Variants in VEPH1 observed in about 807,000 individuals in gnomAD.
The protein encoded by VEPH1 is ventricular zone expressed PH domain containing 1.
In VEPH1, 80 loss-of-function variants were observed where a neutral mutation model predicts 85.2. The ratio of observed to expected loss-of-function variants is 0.94; its 90% confidence interval spans 0.78 to 1.13. The LOEUF is 1.13. Among genes scored for constraint, VEPH1 ranks in the 50% most tolerant of loss-of-function variants. The probability of loss-of-function intolerance (pLI) is 0.00; values close to 1 mark genes in which losing one functional copy is unlikely to be tolerated. For missense variants in VEPH1, 955 were observed against 980.5 expected, an observed-to-expected ratio of 0.97 and a Z score of 0.35; for synonymous variants, 297 against 348.0, an observed-to-expected ratio of 0.85 and a Z score of 1.63.
chr3:157,500,941 T>C (rs1295250411), intron 1 of VEPH1, among the ~76,000 whole-genome samples: 2 of 152,146 alleles, frequency 1.3e-5, no homozygotes, highest in South Asian at 2.1e-4. Flanking sequence ...ATATGGGTTG[T>C]TGGGAGGTTT....
chr3:157,498,288 A>G (rs1463752220), intron 1 of VEPH1, among the ~76,000 whole-genome samples: 1 of 152,066 alleles, frequency 6.6e-6, no homozygotes, highest in Non-Finnish European at 1.5e-5. Flanking sequence ...TGGTTTTCTT[A>G]TTTGCAAAAT....
At chr3:157,441,367 T>C (rs1035396679) in intron 4 of VEPH1, among the ~76,000 whole-genome samples, 2 of 152,224 alleles carry the variant, frequency 1.3e-5, no homozygotes, top group Non-Finnish European at 2.9e-5. Flanking sequence ...AGGATTAAAA[T>C]GACAAACAAA....
At chr3:157,404,817 T>C (rs1478369650) in intron 6 of VEPH1, among the ~76,000 whole-genome samples, 1 of 152,126 alleles carries the variant, frequency 6.6e-6, no homozygotes, top group East Asian at 1.9e-4. Flanking sequence ...GTGATTTCAG[T>C]CTGAGGGCTA....
chr3:157,263,002 TAGAAAGTCAA>T (rs1380804584), intron 13 of VEPH1, among the ~76,000 whole-genome samples: 1 of 152,206 alleles, frequency 6.6e-6, no homozygotes, highest in East Asian at 1.9e-4. Flanking sequence ...CAGGAATAGA[TAGAAAGTCAA>T]AGGACACTAT....
intron 10 of VEPH1, among the ~76,000 whole-genome samples, chr3:157,315,005 A>C (rs1720578726): frequency 6.6e-6 from 1 of 152,120 alleles, no homozygotes; most frequent in Non-Finnish European, 1.5e-5. Flanking sequence ...AAATGTATAG[A>C]ACATCTATAA....
intron 12 of VEPH1, among the ~76,000 whole-genome samples, chr3:157,282,780 G>T (rs1195860681): frequency 1.3e-5 from 2 of 152,204 alleles, no homozygotes; most frequent in Non-Finnish European, 2.9e-5. Flanking sequence ...AAGGGCAACT[G>T]ATAAAGAAGA....
At chr3:157,325,246 G>T (rs756619041) in intron 9 of VEPH1, among the ~76,000 whole-genome samples, 13 of 151,158 alleles carry the variant, frequency 8.6e-5, no homozygotes, top group Non-Finnish European at 1.6e-4. Flanking sequence ...TTAGGTCTTT[G>T]TCAGATGGAT....
In VEPH1 at chr3:157,381,315, A is replaced by G; in HGVS notation, c.968T>C (p.Phe323Ser). 1 of 1,614,186 alleles carries G rather than the reference A, an allele frequency of 6.2e-7. No individual in the cohort carries two copies. The highest frequency in any genetic ancestry group is 8.5e-7 in the Non-Finnish European group (1 of 1,180,030). Residue 323 changes from phenylalanine (F) to serine (S), a missense_variant, in exon 7 of 14, where the codon TTT becomes TCT. Transcript: ENST00000362010. ...AATCTCCAGCAGGAGAATATGGTGA[A>G]ACGAATGCTCCATGTTGGCCAGTTG... Reference protein sequence around the residue: ...VSQLANMEHSFHHILLLEIKS... With the variant: ...VSQLANMEHSSHHILLLEIKS...
At chr3:157,492,605 C>G (rs1384281276) in intron 2 of VEPH1, among the ~76,000 whole-genome samples, 1 of 152,086 alleles carries the variant, frequency 6.6e-6, no homozygotes, top group Non-Finnish European at 1.5e-5. Context: ...CTTGTAGAAA[C>G]AGAGGGTAGA....
chr3:157,486,372 T>A (rs147382544), intron 2 of VEPH1, among the ~76,000 whole-genome samples: 1 of 151,610 alleles, frequency 6.6e-6, no homozygotes, highest in East Asian at 2.0e-4. Context: ...GGTGGGCACC[T>A]GTAATCCCAG....
At chr3:157,399,889 T>C (rs1445293398) in intron 6 of VEPH1, among the ~76,000 whole-genome samples, 1 of 152,140 alleles carries the variant, frequency 6.6e-6, no homozygotes, top group Non-Finnish European at 1.5e-5. Context: ...TCTCCAACTT[T>C]GAGCCGATTT....
intron 12 of VEPH1, among the ~76,000 whole-genome samples, chr3:157,267,102 CTTT>C (rs10537483): frequency 0.058 from 7,210 of 124,762 alleles, 360 homozygotes; most frequent in African/African-American, 0.18. Context: ...TCTTTTTTTT[CTTT>C]TTTTTTTTTT....
intron 3 of VEPH1, among the ~76,000 whole-genome samples, chr3:157,466,856 C>G (rs1347126287): frequency 6.6e-6 from 1 of 152,102 alleles, no homozygotes; most frequent in Non-Finnish European, 1.5e-5. Flanking sequence ...ACATATGGCC[C>G]AAGGCCAAAA....
At chr3:157,393,700 G>A (rs1730099373) in intron 6 of VEPH1, among the ~76,000 whole-genome samples, 2 of 152,116 alleles carry the variant, frequency 1.3e-5, no homozygotes, top group Admixed American at 6.5e-5. Context: ...AACATTGGCA[G>A]CATCTGTGAG....
intron 4 of VEPH1, among the ~76,000 whole-genome samples, chr3:157,452,473 A>G (rs1735053176): frequency 6.6e-6 from 1 of 152,226 alleles, no homozygotes; most frequent in Admixed American, 6.5e-5. Context: ...AACAAAAGGA[A>G]GAAATGTCTA....
chr3:157,403,551 T>C (rs1038833084), intron 6 of VEPH1, among the ~76,000 whole-genome samples: 1 of 152,132 alleles, frequency 6.6e-6, no homozygotes, highest in Non-Finnish European at 1.5e-5. Flanking sequence ...TCTAAGTGAA[T>C]AAAAAAGCCC....
At chr3:157,341,142 C>T (rs186290402) in intron 9 of VEPH1, among the ~76,000 whole-genome samples, 2 of 152,346 alleles carry the variant, frequency 1.3e-5, no homozygotes, top group African/African-American at 2.4e-5. Flanking sequence ...AGGAACACAG[C>T]TCCTCACCAG....
At chr3:157,496,568 A>T (rs1375682425) in intron 1 of VEPH1, among the ~76,000 whole-genome samples, 1 of 152,204 alleles carries the variant, frequency 6.6e-6, no homozygotes, top group East Asian at 1.9e-4. Flanking sequence ...GAGTTATTTA[A>T]TACAAGTAAT....
intron 9 of VEPH1, among the ~76,000 whole-genome samples, chr3:157,358,864 C>T (rs185720391): frequency 2.6e-5 from 4 of 152,212 alleles, no homozygotes; most frequent in East Asian, 1.9e-4. Flanking sequence ...GCTCTAGTGG[C>T]GTGTGCCTGT....
Sources: gnomAD v4.1 joint callset for allele counts (sites outside exome capture counted in the v4.1 genomes callset) on GRCh38, gnomAD v4.1.1 for gene constraint, MANE v1.5 for transcripts, NCBI Gene and HGNC (gene_info 2026-07-23, HGNC 2026-07-21) for gene names.